Variants in ETS1 observed in about 807,000 individuals in gnomAD.
The protein encoded by ETS1 is ETS proto-oncogene 1, transcription factor, also known as protein C-ets-1.
Under a neutral mutation model 58.6 loss-of-function variants are expected in ETS1, and 15 were observed. The ratio of observed to expected loss-of-function variants is 0.26; its 90% confidence interval spans 0.17 to 0.39. The LOEUF is 0.39. Ranked by LOEUF, ETS1 falls within the 10% of genes least tolerant of loss-of-function variation. ETS1 has a pLI of 1.00. For synonymous variants in ETS1, 214 were observed against 218.2 expected (o/e 0.98, Z 0.17); for missense variants, 417 against 610.5 (o/e 0.68, Z 3.34).
chr11:128,530,730 G>A (rs565406293), intron 3 of ETS1, among the ~76,000 whole-genome samples: 8 of 152,142 alleles, frequency 5.3e-5, no homozygotes, highest in Non-Finnish European at 1.2e-4. Context: ...GGCAGTCAGC[G>A]CTCTCATGGC....
In ETS1 at chr11:128,498,545, A is replaced by G. The variant is rs1009513113; in HGVS notation, c.215-7969T>C. Among the ~76,000 whole-genome samples, 15 of 152,278 alleles carry G rather than the reference A, an allele frequency of 9.9e-5. No homozygotes were observed. In the East Asian group the frequency reaches 2.3e-3, roughly 23 times the overall value. On this transcript the variant is annotated intron_variant, in intron 3 of 9. Coordinates refer to ENST00000392668, the MANE Select transcript of ETS1 (RefSeq NM_001143820.2). ...CTTCAGAACTACATGAATCCAATGC[A>G]CCTAAGATGCCTTTTGGTTGCAAAA...
chr11:128,488,091 G>A (rs1220188746), intron 5 of ETS1, among the ~76,000 whole-genome samples: 2 of 152,156 alleles, frequency 1.3e-5, no homozygotes, highest in Non-Finnish European at 2.9e-5. Flanking sequence ...CTGCTATTGT[G>A]TTTAGAAGTC....
At chr11:128,521,731 GTCCTCC>G (rs760101577) in intron 3 of ETS1, among the ~76,000 whole-genome samples, 4 of 151,552 alleles carry the variant, frequency 2.6e-5, no homozygotes, top group African/African-American at 4.8e-5. Flanking sequence ...GCCACCAACA[GTCCTCC>G]TCCTCCTCCT....
rs551024414 is a variant in ETS1 at position 128,467,932 on chromosome 11, C to T, written c.1124-4305G>A. Among the ~76,000 whole-genome samples the T allele has an allele frequency of 1.4e-4, 22 of 152,284 alleles. No individual in the cohort carries two copies. In the East Asian group the frequency reaches 3.9e-3, roughly 27 times the overall value. ...CATCTCCCATGGCACGGAGCCTCCA[C>T]ACCCCCTGCTGTCTGCTCCCTCTCC... On this transcript the variant is annotated intron_variant, in intron 8 of 9. Coordinates refer to ENST00000392668, the MANE Select transcript of ETS1 (RefSeq NM_001143820.2).
At chr11:128,562,725 C>T (rs1026078564) in intron 2 of ETS1, among the ~76,000 whole-genome samples, 9 of 152,158 alleles carry the variant, frequency 5.9e-5, no homozygotes, top group South Asian at 4.1e-4. Context: ...CCACCTGGGC[C>T]GACCACCACC....
chr11:128,504,699 T>A (rs1863183333), intron 3 of ETS1, among the ~76,000 whole-genome samples: 1 of 152,216 alleles, frequency 6.6e-6, no homozygotes, highest in African/African-American at 2.4e-5. Context: ...TCAGGATTTT[T>A]TTTTCCTCTA....
intron 1 of ETS1, among the ~76,000 whole-genome samples, chr11:128,578,332 T>G (rs954772711): frequency 1.3e-5 from 2 of 152,096 alleles, no homozygotes; most frequent in Non-Finnish European, 2.9e-5. Context: ...CAAGGCTGAA[T>G]CCAGTTCACA....
At chr11:128,584,938 A>AAAAGAAACAAAGAAAG (rs1864944384) in intron 1 of ETS1, among the ~76,000 whole-genome samples, 1 of 62,562 alleles carries the variant, frequency 1.6e-5, no homozygotes, top group Non-Finnish European at 3.2e-5. Context: ...GAAAAAAGAG[A>AAAAGAAACAAAGAAAG]AAAGAAAGAA....
intron 8 of ETS1, among the ~76,000 whole-genome samples, chr11:128,479,834 A>C (rs1275804624): frequency 2.6e-5 from 4 of 151,930 alleles, no homozygotes; most frequent in African/African-American, 9.7e-5. Flanking sequence ...AAGACCTCCC[A>C]AGAGCAGACC....
intron 2 of ETS1, among the ~76,000 whole-genome samples, chr11:128,567,735 C>A (rs181027393): frequency 7.9e-5 from 12 of 152,212 alleles, no homozygotes; most frequent in African/African-American, 2.2e-4. Flanking sequence ...TGGGTTCAAG[C>A]GATTCTCCTG....
At chr11:128,522,303 T>C (rs1167640618) in intron 3 of ETS1, 17 of 1,077,806 alleles carry the variant, frequency 1.6e-5, no homozygotes, top group Admixed American at 5.5e-5. Flanking sequence ...TCGTTCGCTC[T>C]CGATCTCCCG....
chr11:128,482,405 G>A (rs757160775), intron 7 of ETS1, among the ~76,000 whole-genome samples: 4 of 152,160 alleles, frequency 2.6e-5, no homozygotes, highest in South Asian at 2.1e-4. Flanking sequence ...GCACCAAGTC[G>A]ATAGTATTTA....
chr11:128,468,905 C>G (rs1302013969), intron 8 of ETS1, among the ~76,000 whole-genome samples: 1 of 152,212 alleles, frequency 6.6e-6, no homozygotes, highest in Non-Finnish European at 1.5e-5. Context: ...CCTGAGAACA[C>G]AGACTATATC....
At chr11:128,579,567 A>C (rs1864820719) in intron 1 of ETS1, among the ~76,000 whole-genome samples, 1 of 151,970 alleles carries the variant, frequency 6.6e-6, no homozygotes, top group African/African-American at 2.4e-5. Flanking sequence ...AGGCTGAGGC[A>C]GAAGAATCGC....
intron 3 of ETS1, among the ~76,000 whole-genome samples, chr11:128,494,626 C>A (rs1033913038): frequency 1.3e-5 from 2 of 152,308 alleles, no homozygotes; most frequent in Non-Finnish European, 2.9e-5. Flanking sequence ...TTTCCAAGAA[C>A]CTTCCAGGGT....
intron 3 of ETS1, among the ~76,000 whole-genome samples, chr11:128,550,381 A>G (rs1419601616): frequency 3.3e-5 from 5 of 152,260 alleles, no homozygotes; most frequent in Non-Finnish European, 7.3e-5. Context: ...TTCAGTCCAC[A>G]GCTGATCAGA....
At chr11:128,567,621 T>C (rs1281485652) in intron 2 of ETS1, among the ~76,000 whole-genome samples, 4 of 150,472 alleles carry the variant, frequency 2.7e-5, no homozygotes, top group Admixed American at 6.7e-5. Context: ...GTTTTGTTTT[T>C]GTTTTTGTTT....
intron 3 of ETS1, chr11:128,521,963 A>G (rs1289344792): frequency 6.2e-7 from 1 of 1,603,590 alleles, no homozygotes; most frequent in East Asian, 2.3e-5. Flanking sequence ...GATGATGGTG[A>G]GAGTCGGCTT....
chr11:128,548,261 C>A (rs2135549478), intron 3 of ETS1, among the ~76,000 whole-genome samples: 1 of 150,522 alleles, frequency 6.6e-6, no homozygotes, highest in Middle Eastern at 3.5e-3. Context: ...GAAAAGGTAA[C>A]CTACGAAATC....
Sources: allele counts gnomAD v4.1 joint callset (sites outside exome capture counted in the v4.1 genomes callset), GRCh38; gene constraint gnomAD v4.1.1; transcripts MANE v1.5; gene names NCBI Gene and HGNC (gene_info 2026-07-23, HGNC 2026-07-21).